The following RTTN variants were observed in gnomAD, a reference collection of about 807,000 sequenced individuals.
RTTN encodes the protein rotatin.
A neutral mutation model predicts 269.2 loss-of-function variants in RTTN; 182 were observed. The ratio of observed to expected loss-of-function variants is 0.68; its 90% confidence interval spans 0.60 to 0.76. RTTN has a LOEUF of 0.76. RTTN is among the 30% of genes least tolerant of loss of function. RTTN has a pLI of 0.00. For missense variants in RTTN, 2,545 were observed against 2,608.6 expected, an observed-to-expected ratio of 0.98 and a Z score of 0.53; for synonymous variants, 1,006 against 963.5, an observed-to-expected ratio of 1.04 and a Z score of -0.82.
chr18:70,109,571 G>A lies in RTTN; in HGVS notation c.3830C>T (p.Pro1277Leu), dbSNP rs375143157. ...GAGAGGAGAGTGTGAGCTCCATCCCGGAAACGCAGTGAGGTTAGCCATCCC... is the reference window on the plus strand; with the variant it reads ...GAGAGGAGAGTGTGAGCTCCATCCCAGAAACGCAGTGAGGTTAGCCATCCC... The part of the protein sequence containing the change: ...LRGMANLTAF[P>L]GWSSHSPLTK... The change falls in exon 28 of 49, where the codon CCG (proline) becomes CTG (leucine). Residue 1277 changes from proline to leucine, a missense_variant. Physicochemically the swap from Pro to Leu is moderately conservative, Grantham distance 98. Transcript: ENST00000640769. The A allele has an allele frequency of 2.3e-5, 37 of 1,613,884 alleles. No homozygotes were observed. The highest frequency in any genetic ancestry group is 9.4e-5 in the African/African-American group (7 of 74,858).
chr18:70,115,499 A>C (rs1462287728), intron 26 of RTTN, among the ~76,000 whole-genome samples: 1 of 144,208 alleles, frequency 6.9e-6, no homozygotes, highest in Non-Finnish European at 1.5e-5. Flanking sequence ...TTAATCATCT[A>C]TGATGCCTCA....
intron 46 of RTTN, among the ~76,000 whole-genome samples, chr18:70,015,888 AGCTGCT>A (rs1387691660): frequency 6.6e-6 from 1 of 152,216 alleles, no homozygotes; most frequent in Non-Finnish European, 1.5e-5. Context: ...GTTACTGAGT[AGCTGCT>A]ATATACCAAG....
At chr18:70,132,891 T>G (rs1374969181) in intron 23 of RTTN, among the ~76,000 whole-genome samples, 1 of 152,120 alleles carries the variant, frequency 6.6e-6, no homozygotes, top group Non-Finnish European at 1.5e-5. Context: ...TTCTCCTCTT[T>G]ACGGACAAAC....
chr18:70,038,884 ATAAT>A (rs2057255792), intron 40 of RTTN, among the ~76,000 whole-genome samples: 1 of 152,220 alleles, frequency 6.6e-6, no homozygotes. Flanking sequence ...AGAGATTTAA[ATAAT>A]TAAGAAGAAT....
At chr18:70,042,528 G>A (rs1052044260) in intron 40 of RTTN, among the ~76,000 whole-genome samples, 3 of 151,764 alleles carry the variant, frequency 2.0e-5, no homozygotes, top group Admixed American at 6.6e-5. Flanking sequence ...GGTGCCCGCC[G>A]CCATGTCTGG....
At chr18:70,021,891 G>A (rs1462825253) in intron 44 of RTTN, among the ~76,000 whole-genome samples, 1 of 152,168 alleles carries the variant, frequency 6.6e-6, no homozygotes, top group Non-Finnish European at 1.5e-5. Flanking sequence ...CTCCTTAACT[G>A]TTGTGAGTTC....
intron 35 of RTTN, chr18:70,061,316 T>C (rs900318591): frequency 2.6e-5 from 12 of 455,946 alleles, no homozygotes; most frequent in Non-Finnish European, 4.8e-5. Context: ...CCTTACTTTC[T>C]GGCACAGCAA....
chr18:70,024,162 A>T (rs561318352), intron 44 of RTTN, among the ~76,000 whole-genome samples: 2 of 152,188 alleles, frequency 1.3e-5, no homozygotes, highest in East Asian at 3.9e-4. Flanking sequence ...ACTCACATAA[A>T]AATCCAAACT....
chr18:70,023,223 G>A (rs2056756814), intron 44 of RTTN, among the ~76,000 whole-genome samples: 1 of 152,162 alleles, frequency 6.6e-6, no homozygotes, highest in South Asian at 2.1e-4. Context: ...CAGAGACTCT[G>A]AGCGAGGACC....
intron 33 of RTTN, 130 bp downstream of exon 33, chr18:70,075,222 G>T: frequency 1.6e-6 from 1 of 608,578 alleles, no homozygotes; most frequent in Non-Finnish European, 2.7e-6. Context: ...TCTCTGGGTG[G>T]TAGAACTGGA....
intron 32 of RTTN, among the ~76,000 whole-genome samples, chr18:70,085,543 G>A (rs934030195): frequency 2.0e-5 from 3 of 152,144 alleles, no homozygotes; most frequent in Non-Finnish European, 4.4e-5. Context: ...ATTTTGAGGA[G>A]TGAGGTGTAG....
chr18:70,070,367 A>G (rs1399767358), intron 34 of RTTN, among the ~76,000 whole-genome samples: 1 of 152,194 alleles, frequency 6.6e-6, no homozygotes, highest in Non-Finnish European at 1.5e-5. Context: ...TCATCACACA[A>G]ACTACCACCT....
rs747174713 is a variant in RTTN at position 70,176,828 on chromosome 18, C to T, written c.1323G>A (p.Leu441=). 6.2e-7 allele frequency: 1 copy of T among 1,613,148 alleles called. No homozygotes were observed. The highest frequency in any genetic ancestry group is 8.5e-7 in the Non-Finnish European group (1 of 1,179,534). Residue 441 remains leucine (L), a synonymous_variant, in exon 11 of 49, where the codon CTG becomes CTA. Coordinates refer to ENST00000640769, the MANE Select transcript of RTTN (RefSeq NM_173630.4). ...FGIDMKEKLL[L]VLGALGETMC... is the part of the protein sequence containing the mutation. Reference sequence around the variant, plus strand: ...TGGTTTCTCCAAGGGCTCCCAACACCAGGAGTAGTTTCTCCTTCTGAAAAC... The same window carrying T: ...TGGTTTCTCCAAGGGCTCCCAACACTAGGAGTAGTTTCTCCTTCTGAAAAC...
chr18:70,130,013 A>C (rs1481277938), intron 23 of RTTN: 2 of 152,104 alleles, frequency 1.3e-5, no homozygotes, highest in African/African-American at 4.8e-5. Context: ...AATGACCAAC[A>C]GGTATATGAA....
At chr18:70,072,122 C>T (rs1045156905) in intron 34 of RTTN, among the ~76,000 whole-genome samples, 1 of 152,032 alleles carries the variant, frequency 6.6e-6, no homozygotes, top group Admixed American at 6.6e-5. Flanking sequence ...TACACATCAT[C>T]TTGGGTATGG....
intron 22 of RTTN, 41 bp downstream of exon 22, chr18:70,135,139 GATAA>G (rs1206761376): frequency 2.8e-6 from 3 of 1,083,876 alleles, no homozygotes; most frequent in African/African-American, 3.3e-5. Flanking sequence ...AGATACCTGA[GATAA>G]ATAGTTAAGA....
chr18:70,084,442 T>G (rs191822641), intron 32 of RTTN, among the ~76,000 whole-genome samples: 158 of 152,256 alleles, frequency 1.0e-3, no homozygotes, highest in Middle Eastern at 6.8e-3. Context: ...TTTTCATGGT[T>G]GCAAAGGACC....
At chr18:70,132,402 T>C (rs2060020582) in intron 23 of RTTN, among the ~76,000 whole-genome samples, 1 of 152,030 alleles carries the variant, frequency 6.6e-6, no homozygotes, top group Non-Finnish European at 1.5e-5. Context: ...TGCTGGGCCA[T>C]AAAGTAAAAT....
chr18:70,093,734 T>A (rs1034640933), intron 28 of RTTN, among the ~76,000 whole-genome samples: 1 of 152,198 alleles, frequency 6.6e-6, no homozygotes, highest in Non-Finnish European at 1.5e-5. Flanking sequence ...TGCATTGATG[T>A]TCCTCAGTGA....
Sources: gnomAD v4.1 joint callset for allele counts (sites outside exome capture counted in the v4.1 genomes callset) on GRCh38, gnomAD v4.1.1 for gene constraint, MANE v1.5 for transcripts, NCBI Gene and HGNC (gene_info 2026-07-23, HGNC 2026-07-21) for gene names.